Variants in TMEM132D observed in about 807,000 individuals in gnomAD.
TMEM132D encodes mature OL transmembrane protein.
TMEM132D carries 21 observed loss-of-function variants against 62.3 expected under a neutral mutation model. The observed-to-expected ratio is 0.34, with a 90% CI of 0.24 to 0.49. The LOEUF is 0.49. Ranked by LOEUF, TMEM132D falls within the 20% of genes least tolerant of loss-of-function variation. The pLI is 0.99. For missense variants in TMEM132D, 1,346 were observed against 1,402.8 expected (o/e 0.96, Z 0.65); for synonymous variants, 621 against 575.6 (o/e 1.08, Z -1.13).
chr12:129,819,429 T>C (rs1372911427), intron 1 of TMEM132D, among the ~76,000 whole-genome samples: 1 of 152,168 alleles, frequency 6.6e-6, no homozygotes, highest in East Asian at 1.9e-4. Context: ...GGAGTCGCTA[T>C]CTCTTCAGAT....
intron 2 of TMEM132D, among the ~76,000 whole-genome samples, chr12:129,596,556 G>T (rs538774620): frequency 6.6e-6 from 1 of 151,538 alleles, no homozygotes; most frequent in Non-Finnish European, 1.5e-5. Context: ...AAATAGTGTC[G>T]GTCATATTGC....
intron 5 of TMEM132D, among the ~76,000 whole-genome samples, chr12:129,138,009 G>A (rs1018108604): frequency 2.0e-5 from 3 of 152,044 alleles, no homozygotes; most frequent in Non-Finnish European, 2.9e-5. Context: ...CTTAAGGTTC[G>A]AAAGTTTAAA....
chr12:129,178,868 G>A (rs1410431947), intron 5 of TMEM132D, among the ~76,000 whole-genome samples: 1 of 152,164 alleles, frequency 6.6e-6, no homozygotes, highest in African/African-American at 2.4e-5. Context: ...GGCTGCTGTG[G>A]GTCAAAGGAA....
At chr12:129,637,642 G>A (rs1212630456) in intron 2 of TMEM132D, among the ~76,000 whole-genome samples, 4 of 152,208 alleles carry the variant, frequency 2.6e-5, no homozygotes, top group South Asian at 2.1e-4. Flanking sequence ...TAAAGCCTGC[G>A]GAGACTGGGT....
At chr12:129,801,348 ATG>A (rs1226791071) in intron 1 of TMEM132D, among the ~76,000 whole-genome samples, 6 of 30,608 alleles carry the variant, frequency 2.0e-4, no homozygotes, top group African/African-American at 3.7e-4. Context: ...GAGATCTGAG[ATG>A]GGCAGACTGC....
At chr12:129,230,376 A>G (rs1386681703) in intron 4 of TMEM132D, among the ~76,000 whole-genome samples, 1 of 152,064 alleles carries the variant, frequency 6.6e-6, no homozygotes, top group Non-Finnish European at 1.5e-5. Context: ...CTGTGATTCT[A>G]TGATTCATGT....
chr12:129,373,185 T>C (rs1277898151), intron 3 of TMEM132D, among the ~76,000 whole-genome samples: 2 of 152,148 alleles, frequency 1.3e-5, no homozygotes, highest in African/African-American at 4.8e-5. Context: ...ACTTCATCCT[T>C]TCTGTGAACA....
In TMEM132D at chr12:129,672,151, G is replaced by A. The variant is rs148722691; in HGVS notation, c.968+27659C>T. The stretch of plus-strand genomic sequence containing the variant: ...AAGGATGTGAAAGAGAGGTTGGTAA[G>A]CACCAAGCCAGCTTCTCCTCTCTAA... On this transcript the variant is annotated intron_variant, in intron 2 of 8. Coordinates refer to ENST00000422113, the MANE Select transcript of TMEM132D (RefSeq NM_133448.3). Among the ~76,000 whole-genome samples, 362 of 152,316 alleles carry A rather than the reference G, an allele frequency of 2.4e-3. 3 individuals carry two copies. The highest frequency in any genetic ancestry group is 8.3e-3 in the African/African-American group (343 of 41,560).
At chr12:129,684,558 T>C (rs770694246) in intron 2 of TMEM132D, among the ~76,000 whole-genome samples, 2 of 151,436 alleles carry the variant, frequency 1.3e-5, no homozygotes, top group African/African-American at 4.9e-5. Flanking sequence ...GAGAGTGGGG[T>C]GCTGCTATAA....
intron 4 of TMEM132D, among the ~76,000 whole-genome samples, chr12:129,225,611 G>A (rs1029806023): frequency 1.3e-5 from 2 of 152,180 alleles, no homozygotes; most frequent in African/African-American, 4.8e-5. Flanking sequence ...GAGTTCTTAT[G>A]CGGATCCAAT....
At chr12:129,167,714 T>G (rs1877606732) in intron 5 of TMEM132D, among the ~76,000 whole-genome samples, 1 of 151,858 alleles carries the variant, frequency 6.6e-6, no homozygotes, top group Admixed American at 6.6e-5. Flanking sequence ...ATCTAGAGTA[T>G]GTACATCTAT....
intron 5 of TMEM132D, among the ~76,000 whole-genome samples, chr12:129,162,245 C>A (rs116353483): frequency 0.028 from 4,232 of 152,196 alleles, 211 homozygotes; most frequent in African/African-American, 0.098. Context: ...CTTGCATGCT[C>A]CATGCACTGA....
chr12:129,147,922 T>A (rs1231048572), intron 5 of TMEM132D, among the ~76,000 whole-genome samples: 2 of 152,240 alleles, frequency 1.3e-5, no homozygotes, highest in Non-Finnish European at 2.9e-5. Flanking sequence ...TTTCGTGTGA[T>A]GGCTTCAAAA....
intron 4 of TMEM132D, among the ~76,000 whole-genome samples, chr12:129,315,397 A>G (rs879463991): frequency 6.6e-6 from 1 of 152,032 alleles, no homozygotes; most frequent in East Asian, 1.9e-4. Flanking sequence ...ATCTATTGAG[A>G]TGATTATGTG....
intron 5 of TMEM132D, among the ~76,000 whole-genome samples, chr12:129,156,309 A>G (rs1877243308): frequency 6.6e-6 from 1 of 151,764 alleles, no homozygotes; most frequent in Admixed American, 6.6e-5. Flanking sequence ...TACCCAACCC[A>G]CTTCCAATAA....
intron 1 of TMEM132D, among the ~76,000 whole-genome samples, chr12:129,759,311 ATG>A (rs1293513469): frequency 6.6e-6 from 1 of 152,170 alleles, no homozygotes; most frequent in Non-Finnish European, 1.5e-5. Flanking sequence ...AAGAAAAACA[ATG>A]TGTTAGGGTT....
intron 4 of TMEM132D, among the ~76,000 whole-genome samples, chr12:129,258,622 G>T (rs1035952529): frequency 1.3e-5 from 2 of 152,180 alleles, no homozygotes; most frequent in African/African-American, 4.8e-5. Context: ...CAAAAGACAG[G>T]CATTTTGCTA....
intron 2 of TMEM132D, among the ~76,000 whole-genome samples, chr12:129,553,977 A>G (rs1379867848): frequency 6.6e-6 from 1 of 152,340 alleles, no homozygotes; most frequent in East Asian, 1.9e-4. Flanking sequence ...GGGTCTCTCC[A>G]CAAATCTTTG....
At chr12:129,147,540 A>G (rs967424293) in intron 5 of TMEM132D, among the ~76,000 whole-genome samples, 3 of 152,082 alleles carry the variant, frequency 2.0e-5, no homozygotes, top group Admixed American at 2.0e-4. Context: ...CCAGTTTCCA[A>G]TGCTGTCAAC....
Sources: gnomAD v4.1 joint callset for allele counts (sites outside exome capture counted in the v4.1 genomes callset) on GRCh38, gnomAD v4.1.1 for gene constraint, MANE v1.5 for transcripts, NCBI Gene and HGNC (gene_info 2026-07-23, HGNC 2026-07-21) for gene names.